GABBR2: variants seen among roughly 807,000 people sequenced by gnomAD.
GABBR2 encodes the protein gamma-aminobutyric acid type B receptor subunit 2.
Under a neutral mutation model 105.6 loss-of-function variants are expected in GABBR2, and 23 were observed. That is an observed-to-expected ratio of 0.22 (90% CI 0.16 to 0.31). The LOEUF (loss-of-function observed/expected upper bound fraction) is 0.31. GABBR2 is among the 10% of genes least tolerant of loss of function. The pLI, the probability that GABBR2 is intolerant of heterozygous loss-of-function variation, is 1.00. For missense variants in GABBR2, 734 were observed against 1,245.5 expected, an observed-to-expected ratio of 0.59 and a Z score of 6.18; for synonymous variants, 478 against 499.7, an observed-to-expected ratio of 0.96 and a Z score of 0.58.
chr9:98,608,915 G>T lies in GABBR2; in HGVS notation c.322-30843C>A, dbSNP rs187991902. 2.3e-3 allele frequency among the ~76,000 whole-genome samples: 353 copies of T among 152,246 alleles called. 1 individual carries two copies. The highest frequency in any genetic ancestry group is 8.3e-3 in the African/African-American group (343 of 41,528). ...TCCTTTTTACACTTTATGGTAAGTA[G>T]CAGGGGGAAAATGCATTTATAGATC... On this transcript the variant is annotated intron_variant, in intron 1 of 18. Coordinates refer to ENST00000259455, the MANE Select transcript of GABBR2 (RefSeq NM_005458.8).
chr9:98,395,883 G>A (rs116785528), intron 8 of GABBR2, among the ~76,000 whole-genome samples: 4,729 of 152,126 alleles, frequency 0.031, 215 homozygotes, highest in African/African-American at 0.097. Flanking sequence ...AAGGGCTGGG[G>A]GTACTGACCG....
intron 3 of GABBR2, among the ~76,000 whole-genome samples, chr9:98,534,859 G>A (rs1828140138): frequency 6.6e-6 from 1 of 152,234 alleles, no homozygotes; most frequent in South Asian, 2.1e-4. Flanking sequence ...ATATGATCCA[G>A]CAATGGAGCT....
chr9:98,564,607 A>C (rs1341567695), intron 2 of GABBR2, among the ~76,000 whole-genome samples: 1 of 152,246 alleles, frequency 6.6e-6, no homozygotes. Context: ...ATTTATGCAC[A>C]GTGTTTAGAA....
At chr9:98,448,735 C>T (rs758977729) in intron 7 of GABBR2, among the ~76,000 whole-genome samples, 2 of 152,130 alleles carry the variant, frequency 1.3e-5, no homozygotes, top group Non-Finnish European at 2.9e-5. Context: ...TAAATTTAGC[C>T]TGTCATAGGC....
chr9:98,350,747 T>G (rs1385835443), intron 13 of GABBR2, among the ~76,000 whole-genome samples: 1 of 152,216 alleles, frequency 6.6e-6, no homozygotes, highest in East Asian at 1.9e-4. Context: ...AACTGTCTGT[T>G]AGGTCCATTT....
intron 7 of GABBR2, among the ~76,000 whole-genome samples, chr9:98,447,276 G>A (rs1441795150): frequency 1.4e-5 from 2 of 145,506 alleles, no homozygotes; most frequent in Non-Finnish European, 3.0e-5. Context: ...TTTTAGCCGG[G>A]ATGGTCTCGA....
chr9:98,582,344 G>T (rs1214112448), intron 1 of GABBR2, among the ~76,000 whole-genome samples: 1 of 152,206 alleles, frequency 6.6e-6, no homozygotes, highest in Admixed American at 6.5e-5. Flanking sequence ...AGGGACCTCT[G>T]TTCTACAATT....
chr9:98,697,384 G>A (rs1227988295), intron 1 of GABBR2, among the ~76,000 whole-genome samples: 1 of 152,072 alleles, frequency 6.6e-6, no homozygotes. Flanking sequence ...CCAGCTACTC[G>A]GAAGGCGGAG....
intron 13 of GABBR2, among the ~76,000 whole-genome samples, chr9:98,313,752 A>G (rs1257250830): frequency 1.6e-5 from 2 of 128,902 alleles, no homozygotes; most frequent in African/African-American, 6.8e-5. Flanking sequence ...CCCAGGGTCA[A>G]TCACTAGGAA....
intron 1 of GABBR2, among the ~76,000 whole-genome samples, chr9:98,615,578 C>A (rs1829571062): frequency 6.6e-6 from 1 of 152,140 alleles, no homozygotes; most frequent in Admixed American, 6.5e-5. Flanking sequence ...CCAGAAGAGT[C>A]CAACAATACA....
intron 13 of GABBR2, among the ~76,000 whole-genome samples, chr9:98,324,016 T>C (rs1830872350): frequency 6.6e-6 from 1 of 152,198 alleles, no homozygotes; most frequent in African/African-American, 2.4e-5. Flanking sequence ...AGTAGGGCCA[T>C]CAGCCTCCCT....
At chr9:98,565,841 A>G (rs1391904534) in intron 2 of GABBR2, among the ~76,000 whole-genome samples, 4 of 152,186 alleles carry the variant, frequency 2.6e-5, no homozygotes, top group Non-Finnish European at 4.4e-5. Context: ...ACCCGGTATT[A>G]TTGGTATGTT....
chr9:98,617,134 C>A (rs1192700151), intron 1 of GABBR2, among the ~76,000 whole-genome samples: 1 of 152,184 alleles, frequency 6.6e-6, no homozygotes, highest in Non-Finnish European at 1.5e-5. Context: ...CAATCCACCA[C>A]GATAAATTCT....
At chr9:98,635,938 A>G (rs2065451) in intron 1 of GABBR2, among the ~76,000 whole-genome samples, 147,929 of 152,144 alleles carry the variant, frequency 0.97, 71,990 homozygotes, top group African/African-American at 0.99. Context: ...GCCTTGCCAC[A>G]CAGTGTCCCT....
intron 7 of GABBR2, among the ~76,000 whole-genome samples, chr9:98,420,482 AC>A (rs1832764075): frequency 1.7e-5 from 1 of 58,384 alleles, no homozygotes; most frequent in Non-Finnish European, 4.0e-5. Context: ...GGGAATTTAC[AC>A]TTTTTTTGTT....
chr9:98,338,104 C>T (rs969825425), intron 13 of GABBR2, among the ~76,000 whole-genome samples: 1 of 152,164 alleles, frequency 6.6e-6, no homozygotes, highest in Non-Finnish European at 1.5e-5. Flanking sequence ...TACCTCATAC[C>T]ATGTACAAAA....
intron 1 of GABBR2, among the ~76,000 whole-genome samples, chr9:98,682,366 CTTTTTTTTTTTT>C (rs58885676): frequency 1.9e-5 from 1 of 52,226 alleles, no homozygotes; most frequent in Non-Finnish European, 3.4e-5. Flanking sequence ...ATTTTACCAT[CTTTTTTTTTTTT>C]TTTTTTTTTT....
intron 1 of GABBR2, among the ~76,000 whole-genome samples, chr9:98,671,572 C>A (rs1830407675): frequency 6.6e-6 from 1 of 152,124 alleles, no homozygotes; most frequent in Non-Finnish European, 1.5e-5. Flanking sequence ...TAAGCGACTG[C>A]CAGACTGTTT....
At chr9:98,663,456 G>A (rs1328060965) in intron 1 of GABBR2, among the ~76,000 whole-genome samples, 1 of 152,074 alleles carries the variant, frequency 6.6e-6, no homozygotes, top group Non-Finnish European at 1.5e-5. Context: ...AAAGCAAGGT[G>A]GGTGCAACTG....
Sources: allele counts gnomAD v4.1 joint callset (sites outside exome capture counted in the v4.1 genomes callset), GRCh38; gene constraint gnomAD v4.1.1; transcripts MANE v1.5; gene names NCBI Gene and HGNC (gene_info 2026-07-23, HGNC 2026-07-21).